AGPAT5: variants seen among roughly 807,000 people sequenced by gnomAD.
AGPAT5 encodes 1-acylglycerol-3-phosphate O-acyltransferase 5, also known as 1-acyl-sn-glycerol-3-phosphate acyltransferase epsilon.
A neutral mutation model predicts 45.6 loss-of-function variants in AGPAT5; 46 were observed. The observed-to-expected ratio is 1.01, with a 90% CI of 0.80 to 1.29. The LOEUF is 1.29. Ranked by LOEUF, AGPAT5 falls within the 50% of genes most tolerant of loss-of-function variation. The probability of loss-of-function intolerance (pLI) is 0.00; values close to 1 mark genes in which losing one functional copy is unlikely to be tolerated. For missense variants in AGPAT5, 673 were observed against 450.7 expected (o/e 1.49, Z -4.47); for synonymous variants, 272 against 167.0 (o/e 1.63, Z -4.85).
chr8:6,732,522 T>A (rs769454660), intron 3 of AGPAT5, 39 bp from the exon 4 acceptor site: 5 of 1,541,680 alleles, frequency 3.2e-6, no homozygotes, highest in African/African-American at 2.8e-5. Flanking sequence ...ATTGTTATTT[T>A]AAAAGTAAAT....
At chr8:6,722,598 A>G (rs1205162908) in intron 1 of AGPAT5, among the ~76,000 whole-genome samples, 1 of 152,224 alleles carries the variant, frequency 6.6e-6, no homozygotes, top group Non-Finnish European at 1.5e-5. Context: ...TTAAAAAAGA[A>G]TCAATAGGCA....
intron 4 of AGPAT5, among the ~76,000 whole-genome samples, chr8:6,735,747 C>T (rs1356333345): frequency 6.6e-6 from 1 of 152,018 alleles, no homozygotes; most frequent in African/African-American, 2.4e-5. Context: ...TTAATGGAAG[C>T]CGCCTCCCAT....
chr8:6,756,406 T>C (rs1801835082), intron 7 of AGPAT5, among the ~76,000 whole-genome samples: 1 of 151,966 alleles, frequency 6.6e-6, no homozygotes, highest in East Asian at 1.9e-4. Context: ...GCAGGCAAAT[T>C]GCTTGAGCCC....
At chr8:6,739,648 C>A (rs147089095) in intron 4 of AGPAT5, among the ~76,000 whole-genome samples, 9 of 152,162 alleles carry the variant, frequency 5.9e-5, no homozygotes, top group African/African-American at 1.4e-4. Flanking sequence ...TAGTAACTTA[C>A]AAAATATATT....
chr8:6,717,122 C>T (rs1563283094), intron 1 of AGPAT5, among the ~76,000 whole-genome samples: 1 of 152,166 alleles, frequency 6.6e-6, no homozygotes, highest in Non-Finnish European at 1.5e-5. Flanking sequence ...ACGCAGCCAG[C>T]AGTGCAGAGA....
intron 6 of AGPAT5, among the ~76,000 whole-genome samples, chr8:6,748,796 G>T (rs1435446038): frequency 6.6e-6 from 1 of 152,130 alleles, no homozygotes; most frequent in African/African-American, 2.4e-5. Context: ...CTCATCAGCT[G>T]TTTGGGGTTG....
At chr8:6,708,961 C>T in intron 1 of AGPAT5, 74 bp downstream of exon 1, 2 of 1,441,150 alleles carry the variant, frequency 1.4e-6, no homozygotes, top group Non-Finnish European at 1.9e-6. Flanking sequence ...CGCTCCCCCA[C>T]AGCTGGCGAG....
At chr8:6,738,391 A>G (rs1256625190) in intron 4 of AGPAT5, 1 of 152,198 alleles carries the variant, frequency 6.6e-6, no homozygotes, top group Non-Finnish European at 1.5e-5. Flanking sequence ...CAGTCAGAAC[A>G]CACACGACAT....
At chr8:6,743,308 G>A (rs11993600) in intron 5 of AGPAT5, among the ~76,000 whole-genome samples, 4,171 of 152,192 alleles carry the variant, frequency 0.027, 191 homozygotes, top group African/African-American at 0.096. Context: ...CTGATGACTC[G>A]CAAAAGCTTC....
intron 6 of AGPAT5, among the ~76,000 whole-genome samples, chr8:6,754,763 A>C (rs929185309): frequency 2.6e-5 from 4 of 152,204 alleles, no homozygotes; most frequent in African/African-American, 9.7e-5. Flanking sequence ...TATAGCACTA[A>C]AAGTTGTCAC....
chr8:6,748,241 C>T (rs1801544240), intron 6 of AGPAT5, among the ~76,000 whole-genome samples: 1 of 152,154 alleles, frequency 6.6e-6, no homozygotes, highest in Non-Finnish European at 1.5e-5. Context: ...AGAAGAAATG[C>T]AGTTAAGTGT....
intron 2 of AGPAT5, among the ~76,000 whole-genome samples, chr8:6,729,033 T>G (rs781361243): frequency 6.6e-6 from 1 of 152,218 alleles, no homozygotes; most frequent in Non-Finnish European, 1.5e-5. Context: ...ATTCTACTTA[T>G]AGGGAGCCAT....
chr8:6,739,413 A>G lies in AGPAT5; in HGVS notation c.496-2248A>G, dbSNP rs182883160. ...ATAACAGGATTGAATCTTTGGATTC[A>G]TGAACGTAGCCTGCATTTGTTTACT... On this transcript the variant is annotated intron_variant, in intron 4 of 7. Coordinates refer to ENST00000285518, the MANE Select transcript of AGPAT5 (RefSeq NM_018361.5). Among the ~76,000 whole-genome samples, 81 of 152,252 alleles carry G rather than the reference A, an allele frequency of 5.3e-4. 1 individual carries two copies. The Middle Eastern group carries it at 0.031, about 58-fold the overall frequency.
rs1802017472 is a variant in AGPAT5 at position 6,760,874 on chromosome 8, A to G, written c.*3486A>G. Among the ~76,000 whole-genome samples, 1 of 152,234 alleles carries G rather than the reference A, an allele frequency of 6.6e-6. No homozygotes were observed. Among genetic ancestry groups the G allele is most frequent in the South Asian group, 2.1e-4 (1 of 4,836 alleles). On this transcript the variant is annotated 3_prime_UTR_variant, in exon 8 of 8. Transcript: ENST00000285518. Reference sequence around the variant, plus strand: ...TACAACATTCACATACTTGTCAAATATTCATGTAATTAACTGAATTTAAAA... The same window carrying G: ...TACAACATTCACATACTTGTCAAATGTTCATGTAATTAACTGAATTTAAAA...
At chr8:6,756,839 C>T (rs919890820) in intron 7 of AGPAT5, among the ~76,000 whole-genome samples, 8 of 151,990 alleles carry the variant, frequency 5.3e-5, no homozygotes, top group African/African-American at 1.5e-4. Context: ...GAAGCTGCAG[C>T]GGGTTATTAG....
chr8:6,731,593 G>T (rs1800865346), intron 3 of AGPAT5, among the ~76,000 whole-genome samples: 1 of 151,798 alleles, frequency 6.6e-6, no homozygotes, highest in African/African-American at 2.4e-5. Flanking sequence ...TGCAGATGTG[G>T]AACTCATGGA....
chr8:6,743,965 A>G (rs917178785), intron 5 of AGPAT5, among the ~76,000 whole-genome samples: 5 of 152,144 alleles, frequency 3.3e-5, no homozygotes, highest in African/African-American at 1.2e-4. Context: ...GAGTTCTTTC[A>G]AAACAGGAGA....
At chr8:6,712,228 A>G (rs1800178597) in intron 1 of AGPAT5, among the ~76,000 whole-genome samples, 1 of 152,306 alleles carries the variant, frequency 6.6e-6, no homozygotes, top group East Asian at 1.9e-4. Flanking sequence ...TTATTTACAG[A>G]TTTACCTTCA....
At chr8:6,732,772 T>G in intron 4 of AGPAT5, 122 bp downstream of exon 4, 1 of 908,100 alleles carries the variant, frequency 1.1e-6, no homozygotes, top group East Asian at 2.9e-5. Context: ...TAATTCAGGG[T>G]TATGCTGAGG....
Sources: allele counts gnomAD v4.1 joint callset (sites outside exome capture counted in the v4.1 genomes callset), GRCh38; gene constraint gnomAD v4.1.1; transcripts MANE v1.5; gene names NCBI Gene and HGNC (gene_info 2026-07-23, HGNC 2026-07-21).